The following HNF4G variants were observed in gnomAD, a reference collection of about 807,000 sequenced individuals.
HNF4G encodes hepatocyte nuclear factor 4-gamma.
A neutral mutation model predicts 50.9 loss-of-function variants in HNF4G; 21 were observed. That is an observed-to-expected ratio of 0.41 (90% CI 0.29 to 0.59). The LOEUF (loss-of-function observed/expected upper bound fraction) is 0.59. HNF4G is among the 20% of genes least tolerant of loss of function. The pLI is 0.26. For missense variants in HNF4G, 527 were observed against 559.4 expected (o/e 0.94, Z 0.58); for synonymous variants, 198 against 185.6 (o/e 1.07, Z -0.54).
chr8:75,512,206 G>A (rs1379825145), intron 2 of HNF4G, among the ~76,000 whole-genome samples: 1 of 151,382 alleles, frequency 6.6e-6, no homozygotes, highest in Admixed American at 6.6e-5. Context: ...TCTCTTGTTA[G>A]GGCCTCTGGT....
At chr8:75,436,192 A>T (rs1811132450) in intron 1 of HNF4G, among the ~76,000 whole-genome samples, 1 of 152,176 alleles carries the variant, frequency 6.6e-6, no homozygotes, top group Admixed American at 6.6e-5. Flanking sequence ...AAATAGGAGG[A>T]CACTGTTTTT....
At chr8:75,493,016 A>AAT (rs143195684) in intron 2 of HNF4G, among the ~76,000 whole-genome samples, 9,869 of 147,958 alleles carry the variant, frequency 0.067, 384 homozygotes, top group Non-Finnish European at 0.092. Flanking sequence ...ATATGACTGA[A>AAT]ATATATATAT....
chr8:75,445,898 G>C (rs1811415049), intron 1 of HNF4G, among the ~76,000 whole-genome samples: 2 of 36,322 alleles, frequency 5.5e-5, no homozygotes, highest in Admixed American at 3.5e-4. Context: ...CCAATCAATA[G>C]AAAAAGAGGG....
intron 5 of HNF4G, among the ~76,000 whole-genome samples, chr8:75,554,828 G>C (rs1243967162): frequency 1.3e-5 from 2 of 152,152 alleles, no homozygotes; most frequent in Non-Finnish European, 2.9e-5. Context: ...TTGGAGAATG[G>C]GGATAAAATG....
At chr8:75,485,170 G>C (rs1305680729) in intron 1 of HNF4G, among the ~76,000 whole-genome samples, 1 of 152,128 alleles carries the variant, frequency 6.6e-6, no homozygotes, top group African/African-American at 2.4e-5. Context: ...AATGGTGGTA[G>C]AATTGCACTG....
At chr8:75,528,164 AG>A (rs1448159851) in intron 2 of HNF4G, among the ~76,000 whole-genome samples, 1 of 152,222 alleles carries the variant, frequency 6.6e-6, no homozygotes, top group African/African-American at 2.4e-5. Flanking sequence ...TGTAGTAGGT[AG>A]AAAATGAGGG....
chr8:75,512,792 G>T (rs2130729434), intron 2 of HNF4G, among the ~76,000 whole-genome samples: 1 of 152,120 alleles, frequency 6.6e-6, no homozygotes, highest in Non-Finnish European at 1.5e-5. Context: ...ATCTTTTAAT[G>T]TGGTGAATCA....
At chr8:75,458,592 C>T (rs537310657) in intron 1 of HNF4G, among the ~76,000 whole-genome samples, 3 of 152,042 alleles carry the variant, frequency 2.0e-5, no homozygotes, top group East Asian at 3.9e-4. Flanking sequence ...CCTACTATCC[C>T]CTAAGTTTCT....
chr8:75,443,001 A>T (rs1421831522), intron 1 of HNF4G, among the ~76,000 whole-genome samples: 1 of 152,132 alleles, frequency 6.6e-6, no homozygotes, highest in Admixed American at 6.5e-5. Context: ...TGAAATCTTA[A>T]TTCTCAAGAT....
intron 1 of HNF4G, among the ~76,000 whole-genome samples, chr8:75,425,257 G>A (rs1332034191): frequency 1.3e-5 from 2 of 151,496 alleles, no homozygotes; most frequent in Non-Finnish European, 2.9e-5. Context: ...GCTAATTTTT[G>A]TACTTCAGTG....
At chr8:75,438,309 C>T (rs776815960) in intron 1 of HNF4G, among the ~76,000 whole-genome samples, 4 of 152,148 alleles carry the variant, frequency 2.6e-5, no homozygotes, top group Non-Finnish European at 5.9e-5. Flanking sequence ...TCCCTGGCTG[C>T]CAATAACTAT....
chr8:75,511,080 T>C (rs2130725513), intron 2 of HNF4G, among the ~76,000 whole-genome samples: 1 of 152,212 alleles, frequency 6.6e-6, no homozygotes, highest in East Asian at 1.9e-4. Context: ...ATTTTTCTGT[T>C]CTGAGACAAT....
At chr8:75,487,709 G>C (rs1186392100) in intron 1 of HNF4G, among the ~76,000 whole-genome samples, 1 of 152,052 alleles carries the variant, frequency 6.6e-6, no homozygotes, top group Non-Finnish European at 1.5e-5. Flanking sequence ...TTTCTCACTT[G>C]TTCATGCTAA....
chr8:75,421,906 C>T (rs1810783187), intron 1 of HNF4G, among the ~76,000 whole-genome samples: 1 of 152,022 alleles, frequency 6.6e-6, no homozygotes, highest in South Asian at 2.1e-4. Flanking sequence ...TGATGCAGAC[C>T]CTGGAAACTA....
chr8:75,473,756 G>A (rs1812177196), intron 1 of HNF4G, among the ~76,000 whole-genome samples: 1 of 152,052 alleles, frequency 6.6e-6, no homozygotes, highest in African/African-American at 2.4e-5. Context: ...AGTAGACAGA[G>A]AACGATGCAA....
At position 75,430,473 on chromosome 8, in the gene HNF4G, GTAGA is replaced by G. The variant is rs1285667063; in HGVS notation, c.-144+22312_-144+22315del. Among the ~76,000 whole-genome samples the G allele has an allele frequency of 7.1e-5, 8 of 112,902 alleles. 1 individual carries two copies. The South Asian group carries it at 8.6e-4, about 12-fold the overall frequency. The allele number at this position is 112,902 out of a possible 152,430, so 74.1% of individuals were successfully genotyped here. A position where few individuals can be genotyped will look rare whatever the true frequency, so the allele number is the denominator to read the frequency against. ...CAAATAAAAGAGACGGGGGTAGGGA[GTAGA>G]GAGAGAGAGAGAGAGAGAGAGAGAG... On this transcript the variant is annotated intron_variant, in intron 1 of 10. Coordinates refer to the HNF4G transcript ENST00000354370.
chr8:75,558,190 G>A (rs552292793), intron 6 of HNF4G, among the ~76,000 whole-genome samples: 85 of 152,214 alleles, frequency 5.6e-4, no homozygotes, highest in African/African-American at 2.0e-3. Flanking sequence ...TGAATAAAAC[G>A]CTAATAGATG....
At chr8:75,544,005 G>A (rs373595075) in intron 2 of HNF4G, 26 bp downstream of exon 2, 403 of 1,547,592 alleles carry the variant, frequency 2.6e-4, no homozygotes, top group Non-Finnish European at 3.3e-4. Flanking sequence ...TTTTAGGCAA[G>A]TTATCTTTAC....
At chr8:75,435,127 C>T (rs1192019210) in intron 1 of HNF4G, among the ~76,000 whole-genome samples, 1 of 152,072 alleles carries the variant, frequency 6.6e-6, no homozygotes, top group East Asian at 1.9e-4. Context: ...AATAGTAGGT[C>T]CATCTGACTC....
Sources: allele counts gnomAD v4.1 joint callset (sites outside exome capture counted in the v4.1 genomes callset), GRCh38; gene constraint gnomAD v4.1.1; transcripts MANE v1.5; gene names NCBI Gene and HGNC (gene_info 2026-07-23, HGNC 2026-07-21).